DLGAP2: variants seen among roughly 807,000 people sequenced by gnomAD.
DLGAP2 encodes DLG associated protein 2, also known as disks large-associated protein 2.
DLGAP2 carries 26 observed loss-of-function variants against 100.3 expected under a neutral mutation model. The observed-to-expected ratio is 0.26, with a 90% CI of 0.19 to 0.36. DLGAP2 has a LOEUF of 0.36. Ranked by LOEUF, DLGAP2 falls within the 10% of genes least tolerant of loss-of-function variation. DLGAP2 has a pLI of 1.00. For synonymous variants in DLGAP2, 886 were observed against 630.1 expected, an observed-to-expected ratio of 1.41 and a Z score of -6.08; for missense variants, 1,858 against 1,453.2, an observed-to-expected ratio of 1.28 and a Z score of -4.53.
intron 1 of DLGAP2, among the ~76,000 whole-genome samples, chr8:824,159 C>A (rs1796642096): frequency 6.6e-6 from 1 of 152,244 alleles, no homozygotes; most frequent in East Asian, 1.9e-4. Context: ...ACTGCAGCCT[C>A]AACCTCCTGG....
chr8:1,168,029 C>G (rs1797053892), intron 2 of DLGAP2, among the ~76,000 whole-genome samples: 1 of 110,454 alleles, frequency 9.1e-6, no homozygotes. Context: ...TATCCCTCCC[C>G]CCTCCCCCCA....
chr8:1,174,267 CCATCACCACCAT>C (rs1554496601), intron 2 of DLGAP2, among the ~76,000 whole-genome samples: 174 of 152,180 alleles, frequency 1.1e-3, no homozygotes, highest in African/African-American at 3.4e-3. Context: ...CCCATCACCA[CCATCACCACCAT>C]CATCACCACC....
In DLGAP2 at chr8:917,613, G is replaced by A. The variant is rs139693197; in HGVS notation, c.73+9647G>A. Reference sequence around the variant, plus strand: ...TTTGTTGTTGCTGAGACAGGGTCTCGCTCTGTTGCCAGGCTGGAGTGCAGT... The same window carrying A: ...TTTGTTGTTGCTGAGACAGGGTCTCACTCTGTTGCCAGGCTGGAGTGCAGT... On this transcript the variant is annotated intron_variant, in intron 2 of 14. Coordinates refer to ENST00000637795, the MANE Select transcript of DLGAP2 (RefSeq NM_001346810.2). Among the ~76,000 whole-genome samples the A allele has an allele frequency of 2.4e-4, 36 of 151,540 alleles. 1 individual carries two copies. The highest frequency in any genetic ancestry group is 8.0e-4 in the African/African-American group (33 of 41,286).
chr8:1,010,782 T>C (rs949427144), intron 2 of DLGAP2, among the ~76,000 whole-genome samples: 26 of 152,344 alleles, frequency 1.7e-4, no homozygotes, highest in African/African-American at 6.3e-4. Flanking sequence ...CTTTTTGTTT[T>C]TAGTTAAACT....
At chr8:969,819 G>A (rs773051168) in intron 2 of DLGAP2, among the ~76,000 whole-genome samples, 5 of 152,150 alleles carry the variant, frequency 3.3e-5, no homozygotes, top group Non-Finnish European at 5.9e-5. Flanking sequence ...TATTGTTTTG[G>A]TGATCGTGTA....
intron 2 of DLGAP2, among the ~76,000 whole-genome samples, chr8:1,152,382 C>A (rs187988213): frequency 6.6e-6 from 1 of 152,298 alleles, no homozygotes; most frequent in East Asian, 1.9e-4. Flanking sequence ...TTTGATGGAA[C>A]GTGTTGCCTC....
At chr8:1,146,013 G>A (rs984855528) in intron 2 of DLGAP2, among the ~76,000 whole-genome samples, 5 of 151,946 alleles carry the variant, frequency 3.3e-5, no homozygotes, top group Admixed American at 1.3e-4. Flanking sequence ...ATTCTGTTGT[G>A]TGTGGGTAGC....
chr8:1,174,423 C>G (rs1036611674), intron 2 of DLGAP2, among the ~76,000 whole-genome samples: 1 of 151,586 alleles, frequency 6.6e-6, no homozygotes, highest in Non-Finnish European at 1.5e-5. Context: ...ATTATCATTA[C>G]CATTACCACC....
intron 1 of DLGAP2, among the ~76,000 whole-genome samples, chr8:881,587 C>T (rs2128993445): frequency 6.7e-6 from 1 of 148,612 alleles, no homozygotes; most frequent in African/African-American, 2.5e-5. Flanking sequence ...GCAACCTCCA[C>T]CTCCTGGGTT....
intron 2 of DLGAP2, among the ~76,000 whole-genome samples, chr8:1,191,276 T>C (rs187261993): frequency 8.0e-5 from 12 of 150,330 alleles, no homozygotes; most frequent in Non-Finnish European, 1.5e-4. Flanking sequence ...GTTCAGGCCA[T>C]TCTCCTGCCT....
chr8:1,682,934 CT>C (rs1358197539), intron 12 of DLGAP2, among the ~76,000 whole-genome samples: 1 of 151,304 alleles, frequency 6.6e-6, no homozygotes, highest in African/African-American at 2.4e-5. Context: ...TTTGTTTTGT[CT>C]TGTTTTTTAC....
At chr8:1,444,532 A>G (rs1797927374) in intron 3 of DLGAP2, among the ~76,000 whole-genome samples, 1 of 151,916 alleles carries the variant, frequency 6.6e-6, no homozygotes, top group African/African-American at 2.4e-5. Context: ...TTTTTAAGAG[A>G]GAAAGAGACA....
chr8:1,196,527 C>T (rs1263090962), intron 2 of DLGAP2, among the ~76,000 whole-genome samples: 3 of 152,218 alleles, frequency 2.0e-5, no homozygotes, highest in Non-Finnish European at 1.5e-5. Flanking sequence ...CTGTGATTTT[C>T]ATAGCATGGA....
At chr8:861,357 C>G (rs1797386528) in intron 1 of DLGAP2, among the ~76,000 whole-genome samples, 1 of 152,060 alleles carries the variant, frequency 6.6e-6, no homozygotes, top group Non-Finnish European at 1.5e-5. Flanking sequence ...TGCACGGGGT[C>G]CTGGAACCCC....
chr8:949,159 G>A (rs1799411065), intron 2 of DLGAP2, among the ~76,000 whole-genome samples: 1 of 152,240 alleles, frequency 6.6e-6, no homozygotes, highest in Admixed American at 6.5e-5. Context: ...AGGGATTTGT[G>A]GGTGGAAAGG....
At chr8:830,327 A>G (rs1361089706) in intron 1 of DLGAP2, among the ~76,000 whole-genome samples, 1 of 152,172 alleles carries the variant, frequency 6.6e-6, no homozygotes, top group Non-Finnish European at 1.5e-5. Flanking sequence ...CCTTTTAGAT[A>G]TTTAAAAATG....
At chr8:947,206 C>T (rs1044462726) in intron 2 of DLGAP2, among the ~76,000 whole-genome samples, 4 of 152,148 alleles carry the variant, frequency 2.6e-5, no homozygotes, top group Admixed American at 6.5e-5. Flanking sequence ...CCCAGGAGCC[C>T]GGGGAGCTGC....
intron 11 of DLGAP2, among the ~76,000 whole-genome samples, chr8:1,677,008 G>A (rs913646632): frequency 2.6e-5 from 4 of 152,168 alleles, no homozygotes; most frequent in Non-Finnish European, 5.9e-5. Context: ...CATACACCGT[G>A]AAATTGTTTC....
chr8:1,006,217 A>G (rs1438774458), intron 2 of DLGAP2, among the ~76,000 whole-genome samples: 1 of 152,126 alleles, frequency 6.6e-6, no homozygotes, highest in African/African-American at 2.4e-5. Context: ...CTCATGCCCC[A>G]CCATCCCCCA....
Sources: gnomAD v4.1 joint callset for allele counts (sites outside exome capture counted in the v4.1 genomes callset) on GRCh38, gnomAD v4.1.1 for gene constraint, MANE v1.5 for transcripts, NCBI Gene and HGNC (gene_info 2026-07-23, HGNC 2026-07-21) for gene names.